Variants in SPEF2 observed in about 807,000 individuals in gnomAD.
The protein encoded by SPEF2 is sperm flagella and cilia-associated protein 2.
In SPEF2, 187 loss-of-function variants were observed where a neutral mutation model predicts 224.6. That is an observed-to-expected ratio of 0.83 (90% CI 0.74 to 0.94). The LOEUF (loss-of-function observed/expected upper bound fraction) is 0.94. Among genes scored for constraint, SPEF2 ranks in the 40% least tolerant of loss-of-function variants. The pLI, the probability that SPEF2 is intolerant of heterozygous loss-of-function variation, is 0.00. For missense variants in SPEF2, 2,170 were observed against 2,135.6 expected (o/e 1.02, Z -0.32); for synonymous variants, 715 against 707.3 (o/e 1.01, Z -0.17).
At chr5:35,760,342 G>A (rs1234145881) in intron 25 of SPEF2, among the ~76,000 whole-genome samples, 2 of 132,154 alleles carry the variant, frequency 1.5e-5, no homozygotes, top group Non-Finnish European at 3.3e-5. Flanking sequence ...CAGCCTGGGC[G>A]ACAGAGGGAG....
At chr5:35,750,308 C>G (rs1381542465) in intron 23 of SPEF2, among the ~76,000 whole-genome samples, 3 of 151,992 alleles carry the variant, frequency 2.0e-5, no homozygotes, top group Non-Finnish European at 4.4e-5. Flanking sequence ...ATTTCATGAC[C>G]AAAAACCCAA....
chr5:35,745,454 G>T (rs1436445819), intron 23 of SPEF2, among the ~76,000 whole-genome samples: 2 of 152,162 alleles, frequency 1.3e-5, no homozygotes, highest in Non-Finnish European at 2.9e-5. Flanking sequence ...CCACTGCCTG[G>T]AAACAGACTC....
rs773561761 is a variant in SPEF2 at position 35,709,013 on chromosome 5, C to A, written c.2731C>A (p.Leu911Ile). The A allele has an allele frequency of 1.9e-6, 3 of 1,613,694 alleles. No homozygotes were observed. In the African/African-American group the frequency reaches 4.0e-5, roughly 22 times the overall value. Reference protein sequence around the residue: ...KAAASLAELPLPTPPPAPPPE... With the variant: ...KAAASLAELPIPTPPPAPPPE... ...AGCAGCTTCCCTGGCTGAGCTTCCA[C>A]TTCCTACACCTCCTCCTGCTCCTCC... is the stretch of plus-strand genomic sequence containing the variant. The change falls in exon 19 of 37, where the codon CTT becomes ATT. Residue 911 changes from leucine (L) to isoleucine (I), a missense_variant. Transcript: ENST00000356031.
At chr5:35,807,892 G>T in intron 36 of SPEF2, 1 of 1,456,326 alleles carries the variant, frequency 6.9e-7, no homozygotes, top group Non-Finnish European at 9.0e-7. Flanking sequence ...GAGGGCAGAG[G>T]CTGACACCAA....
intron 17 of SPEF2, among the ~76,000 whole-genome samples, chr5:35,705,262 A>G (rs73750824): frequency 0.023 from 3,551 of 152,164 alleles, 156 homozygotes; most frequent in African/African-American, 0.081. Context: ...ATACTTACTC[A>G]AAGATCTCTT....
chr5:35,701,110 A>T (rs1265277873), intron 16 of SPEF2, among the ~76,000 whole-genome samples: 1 of 152,176 alleles, frequency 6.6e-6, no homozygotes, highest in Non-Finnish European at 1.5e-5. Flanking sequence ...CATAAACCAC[A>T]TCTGGGCTGT....
chr5:35,771,815 C>A, intron 27 of SPEF2, 59 bp downstream of exon 27: 5 of 1,537,292 alleles, frequency 3.3e-6, no homozygotes, highest in Non-Finnish European at 4.4e-6. Context: ...TCGTAGAAAA[C>A]GAGCATTTAA....
intron 3 of SPEF2, among the ~76,000 whole-genome samples, chr5:35,644,137 G>A (rs1747008906): frequency 1.3e-5 from 2 of 152,078 alleles, no homozygotes; most frequent in African/African-American, 4.8e-5. Context: ...GTATATATGA[G>A]GCTATTTTGT....
intron 23 of SPEF2, among the ~76,000 whole-genome samples, chr5:35,751,094 CACATATAT>C (rs1749554293): frequency 9.6e-5 from 2 of 20,872 alleles, no homozygotes; most frequent in African/African-American, 2.7e-4. Flanking sequence ...CACACACACA[CACATATAT>C]ATATATATAT....
At chr5:35,772,956 A>G (rs1457356613) in intron 27 of SPEF2, among the ~76,000 whole-genome samples, 1 of 152,210 alleles carries the variant, frequency 6.6e-6, no homozygotes, top group Non-Finnish European at 1.5e-5. Context: ...AGCTATGTAA[A>G]TGGGCCCTGC....
chr5:35,666,936 T>A lies in SPEF2; in HGVS notation c.1168-136T>A, dbSNP rs1750548183. The A allele has an allele frequency of 1.3e-5, 9 of 704,498 alleles. No individual in the cohort carries two copies. The South Asian group carries it at 1.9e-4, about 14-fold the overall frequency. The allele number at this position is 704,498 out of a possible 1,614,324, so 43.6% of individuals were successfully genotyped here. ...TGCTAATGTATTAAGAAAAAAGTGT[T>A]CATTCATGATTAATTTTTTTCCTGG... is the stretch of plus-strand genomic sequence containing the variant. On this transcript the variant is annotated intron_variant, in intron 8 of 36. Coordinates refer to ENST00000356031, the MANE Select transcript of SPEF2 (RefSeq NM_024867.4).
intron 10 of SPEF2, among the ~76,000 whole-genome samples, chr5:35,671,892 A>G (rs1276792732): frequency 6.6e-6 from 1 of 151,880 alleles, no homozygotes; most frequent in African/African-American, 2.4e-5. Flanking sequence ...CTTAGGATTT[A>G]TAATATGTTT....
chr5:35,754,563 T>C (rs1750167254), intron 24 of SPEF2, among the ~76,000 whole-genome samples: 1 of 152,214 alleles, frequency 6.6e-6, no homozygotes. Context: ...GTCCCTGTCT[T>C]CCTTGATGAT....
At chr5:35,630,020 C>T (rs1280287336) in intron 2 of SPEF2, among the ~76,000 whole-genome samples, 3 of 152,166 alleles carry the variant, frequency 2.0e-5, no homozygotes, top group Non-Finnish European at 4.4e-5. Context: ...GATATCAAAA[C>T]CCAATAGGGC....
rs1429484971 is a variant in SPEF2, at chr5:35,692,615, C to G, written c.1790C>G (p.Ala597Gly). ...ILSIDTLVQEAIQAFHDNEKV... is the reference protein window; with the variant it reads ...ILSIDTLVQEGIQAFHDNEKV... ...TCTATTGACACTCTTGTCCAAGAAG[C>G]TATCCAAGCATTTCATGACAATGAA... Residue 597 changes from alanine to glycine, a missense_variant, in exon 12 of 37, where the codon GCT becomes GGT. By Grantham distance (60) the Ala-to-Gly change is moderately conservative. Transcript: ENST00000356031. 1 of 1,613,434 alleles carries G rather than the reference C, an allele frequency of 6.2e-7. No homozygotes were observed. Among genetic ancestry groups the G allele is most frequent in the South Asian group, 1.1e-5 (1 of 91,030 alleles).
At chr5:35,618,390 C>G (rs1742970244) in intron 1 of SPEF2, among the ~76,000 whole-genome samples, 1 of 152,162 alleles carries the variant, frequency 6.6e-6, no homozygotes, top group African/African-American at 2.4e-5. Flanking sequence ...GGAAGGTCTC[C>G]TTTGCTTCTG....
chr5:35,769,835 A>G (rs1752547041), intron 26 of SPEF2, among the ~76,000 whole-genome samples: 1 of 151,930 alleles, frequency 6.6e-6, no homozygotes, highest in Non-Finnish European at 1.5e-5. Context: ...TCATTTTTCT[A>G]TTCACCTTCA....
chr5:35,674,337 CTTTTTTTTTTT>C (rs35129181), intron 10 of SPEF2, among the ~76,000 whole-genome samples: 1 of 94,464 alleles, frequency 1.1e-5, no homozygotes, highest in Non-Finnish European at 2.1e-5. Flanking sequence ...TTTTCGTCTT[CTTTTTTTTTTT>C]TTTTTTTTTG....
chr5:35,779,925 A>G (rs930108309), intron 30 of SPEF2, among the ~76,000 whole-genome samples: 16 of 152,224 alleles, frequency 1.1e-4, no homozygotes, highest in African/African-American at 3.9e-4. Flanking sequence ...GCATCTGCAC[A>G]GGCTTTTTTT....
Sources: gnomAD v4.1 joint callset for allele counts (sites outside exome capture counted in the v4.1 genomes callset) on GRCh38, gnomAD v4.1.1 for gene constraint, MANE v1.5 for transcripts, NCBI Gene and HGNC (gene_info 2026-07-23, HGNC 2026-07-21) for gene names.